SERPINA1: variants seen among roughly 807,000 people sequenced by gnomAD.
SERPINA1 encodes the protein alpha-1-antitrypsin.
A neutral mutation model predicts 25.4 loss-of-function variants in SERPINA1; 21 were observed. The ratio of observed to expected loss-of-function variants is 0.83; its 90% CI spans 0.59 to 1.19. The LOEUF is 1.19. SERPINA1 is among the 50% of genes most tolerant of loss of function. SERPINA1 has a pLI of 0.00. For missense variants in SERPINA1, 546 were observed against 509.0 expected (o/e 1.07, Z -0.70); for synonymous variants, 218 against 211.1 (o/e 1.03, Z -0.29).
chr14:94,386,055 T>C (rs895512521), intron 1 of SERPINA1, among the ~76,000 whole-genome samples: 3 of 152,208 alleles, frequency 2.0e-5, no homozygotes, highest in African/African-American at 7.2e-5. Flanking sequence ...GGGTTCATTA[T>C]GCCTCCCAAG....
At chr14:94,386,858 C>A (rs73349078) in intron 1 of SERPINA1, among the ~76,000 whole-genome samples, 23,597 of 152,222 alleles carry the variant, frequency 0.16, 2,028 homozygotes, top group South Asian at 0.28. Flanking sequence ...CACTTACTAA[C>A]ACCTGGTGTT....
chr14:94,378,265 G>A lies in SERPINA1; in HGVS notation c.*184C>T. 1 of 628,068 alleles carries A rather than the reference G, an allele frequency of 1.6e-6. No individual in the cohort carries two copies. Among genetic ancestry groups the A allele is most frequent in the South Asian group, 1.9e-5 (1 of 52,098 alleles). 38.9% of individuals were successfully genotyped at this position (628,068 alleles called of 1,614,324 possible). A position where few individuals can be genotyped will look rare whatever the true frequency, so the allele number is the denominator to read the frequency against. ...CCAGATGCTCCATGAACACAGTTCA[G>A]GGGGCCCGAAGACAGCACTGTTACC... On this transcript the variant is annotated 3_prime_UTR_variant, in exon 5 of 5. Coordinates refer to ENST00000393087, the MANE Select transcript of SERPINA1 (RefSeq NM_000295.5).
At chr14:94,380,364 G>A (rs1488751048) in intron 3 of SERPINA1, among the ~76,000 whole-genome samples, 1 of 152,240 alleles carries the variant, frequency 6.6e-6, no homozygotes, top group Admixed American at 6.5e-5. Context: ...TAACAGCACC[G>A]ATAAAGTGAC....
upstream of SERPINA1, among the ~76,000 whole-genome samples, chr14:94,390,252 C>A (rs17090745): frequency 0.021 from 3,228 of 152,322 alleles, 46 homozygotes; most frequent in Middle Eastern, 0.11. Context: ...TTCCCCTGAG[C>A]TGGCTGAATG....
rs1372940517 is a variant in SERPINA1, at chr14:94,378,545, C to T, written c.1161G>A (p.Glu387=). Residue 387 remains glutamate, a synonymous_variant, in exon 5 of 5, where the codon GAG becomes GAA. Transcript: ENST00000393087. ...LEAIPMSIPP[E]VKFNKPFVFL... ...AGACAAAGGGTTTGTTGAACTTGAC[C>T]TCGGGGGGGATAGACATGGGTATGG... 1 of 1,613,856 alleles carries T rather than the reference C, an allele frequency of 6.2e-7. No homozygotes were observed. The highest frequency in any genetic ancestry group is 1.3e-5 in the African/African-American group (1 of 74,842).
chr14:94,386,354 C>T (rs10484041), intron 1 of SERPINA1, among the ~76,000 whole-genome samples: 23,689 of 152,072 alleles, frequency 0.16, 2,049 homozygotes, highest in South Asian at 0.28. Context: ...CATTTCTACC[C>T]GGGAGCATAA....
intron 1 of SERPINA1, among the ~76,000 whole-genome samples, chr14:94,387,305 A>G (rs777117727): frequency 4.6e-5 from 7 of 152,252 alleles, no homozygotes; most frequent in Non-Finnish European, 8.8e-5. Context: ...TCATAGAGCT[A>G]TTGTGAAATT....
intron 2 of SERPINA1, 30 bp downstream of exon 2, chr14:94,382,562 G>T (rs376810516): frequency 3.1e-6 from 5 of 1,613,976 alleles, no homozygotes; most frequent in Non-Finnish European, 4.2e-6. Context: ...GTTTCTATGG[G>T]AACAGCTCAG....
At chr14:94,378,742 C>A in intron 4 of SERPINA1, 102 bp from the exon 5 acceptor site, 1 of 1,285,918 alleles carries the variant, frequency 7.8e-7, no homozygotes, top group Non-Finnish European at 1.1e-6. Context: ...CCCTGGACGG[C>A]CCTGGCCCTG....
In SERPINA1 at chr14:94,382,633, C is replaced by G. The variant is rs768943640; in HGVS notation, c.605G>C (p.Arg202Thr). ...KIVDLVKELD[R>T]DTVFALVNYI... The stretch of plus-strand genomic sequence containing the variant: ...ATTCACCAGAGCAAAAACTGTGTCT[C>G]TGTCAAGCTCCTTGACCAAATCCAC... The change falls in exon 2 of 5, where the codon AGA becomes ACA. Residue 202 changes from arginine to threonine, a missense_variant. Physicochemically the swap from Arg to Thr is moderately conservative, Grantham distance 71 (BLOSUM62 -1). Transcript: ENST00000393087. 1 of 1,614,264 alleles carries G rather than the reference C, an allele frequency of 6.2e-7. No individual in the cohort carries two copies.
At chr14:94,378,766 T>A (rs961622800) in intron 4 of SERPINA1, 126 bp from the exon 5 acceptor site, 1 of 1,003,510 alleles carries the variant, frequency 1.0e-6, no homozygotes. Context: ...ATCCTCTCCC[T>A]CCCTGTCACA....
intron 1 of SERPINA1, among the ~76,000 whole-genome samples, chr14:94,386,803 C>T (rs531019135): frequency 6.6e-6 from 1 of 152,192 alleles, no homozygotes; most frequent in South Asian, 2.1e-4. Flanking sequence ...AGCTGCCTAA[C>T]CCTATGCTAA....
chr14:94,381,878 C>T (rs1896950141), intron 2 of SERPINA1, among the ~76,000 whole-genome samples: 1 of 152,144 alleles, frequency 6.6e-6, no homozygotes. Flanking sequence ...GGAAGCAGCC[C>T]CTGGCCTTGC....
chr14:94,383,349 C>T, intron 1 of SERPINA1, 108 bp from the exon 2 acceptor site: 1 of 1,209,872 alleles, frequency 8.3e-7, no homozygotes, highest in Non-Finnish European at 1.2e-6. Context: ...TTAAACCAGC[C>T]TGTGCCAAGT....
chr14:94,377,278 C>T lies in SERPINA1; in HGVS notation c.*1171G>A, dbSNP rs572480272. On this transcript the variant is annotated 3_prime_UTR_variant, in exon 5 of 5. Coordinates refer to ENST00000393087, the MANE Select transcript of SERPINA1 (RefSeq NM_000295.5). ...ACGGAGGGAGCAGGCTGTCCTTCAG[C>T]TAGGGGCCCAGGGGACTTCCTGGCT... 15 of 152,388 alleles carry T rather than the reference C, an allele frequency of 9.8e-5. No homozygotes were observed. Among genetic ancestry groups the T allele is most frequent in the African/African-American group, 3.4e-4 (14 of 41,566 alleles). The allele number at this position is 152,388 out of a possible 1,614,324, so 9.4% of individuals were successfully genotyped here. A position where few individuals can be genotyped will look rare whatever the true frequency, so the allele number is the denominator to read the frequency against.
Position 94,378,610 on chromosome 14 carries a change from C to T in SERPINA1, c.1096G>A (p.Glu366Lys), listed in dbSNP as rs28929474. The change falls in exon 5 of 5, where the codon GAG becomes AAG. Residue 366 changes from glutamate (E) to lysine (K), a missense_variant. Transcript: ENST00000393087. ...GCCCCAGCAGCTTCAGTCCCTTTCT[C>T]GTCGATGGTCAGCACAGCCTTATGC... ...AVHKAVLTID[E>K]KGTEAAGAMF... 25,605 of 1,614,142 alleles carry T rather than the reference C, an allele frequency of 0.016. 263 individuals are homozygous for T. Among genetic ancestry groups the T allele is most frequent in the Non-Finnish European group, 0.019 (22,885 of 1,180,016 alleles).
chr14:94,383,131 T>C lies in SERPINA1; in HGVS notation c.107A>G (p.Asp36Gly). Reference protein sequence around the residue: ...DPQGDAAQKTDTSHHDQDHPT... With the variant: ...DPQGDAAQKTGTSHHDQDHPT... ...GTGATCCTGATCATGGTGGGATGTATCTGTCTTCTGGGCAGCATCTCCCTG... is the reference window on the plus strand; with the variant it reads ...GTGATCCTGATCATGGTGGGATGTACCTGTCTTCTGGGCAGCATCTCCCTG... The change falls in exon 2 of 5, where the codon GAT (aspartate) becomes GGT (glycine). Residue 36 changes from aspartate to glycine, a missense_variant. Coordinates refer to ENST00000393087, the MANE Select transcript of SERPINA1 (RefSeq NM_000295.5). 1 of 1,614,214 alleles carries C rather than the reference T, an allele frequency of 6.2e-7. No individual in the cohort carries two copies. Among genetic ancestry groups the C allele is most frequent in the Non-Finnish European group, 8.5e-7 (1 of 1,180,038 alleles).
At position 94,383,230 on chromosome 14, in the gene SERPINA1, G is replaced by A. The variant is rs759598955; in HGVS notation, c.8C>T (p.Ser3Phe). The change falls in exon 2 of 5, where the codon TCT becomes TTT. Residue 3 changes from serine to phenylalanine, a missense_variant. Physicochemically the swap from Ser to Phe is radical, Grantham distance 155. Transcript: ENST00000393087. MP[S>F]SVSWGILLLA... ...CAGGAGGATGCCCCACGAGACAGAA[G>A]ACGGCATTGTCCTGCAAGACAGAGA... The A allele has an allele frequency of 3.1e-6, 5 of 1,611,878 alleles. No homozygotes were observed. The African/African-American group carries it at 6.7e-5, about 22-fold the overall frequency.
At chr14:94,387,122 A>G (rs1897334166) in intron 1 of SERPINA1, among the ~76,000 whole-genome samples, 1 of 152,232 alleles carries the variant, frequency 6.6e-6, no homozygotes, top group Admixed American at 6.5e-5. Flanking sequence ...TTGAATCAGA[A>G]AACTTCAGAG....
Sources: gnomAD v4.1 joint callset for allele counts (sites outside exome capture counted in the v4.1 genomes callset) on GRCh38, gnomAD v4.1.1 for gene constraint, MANE v1.5 for transcripts, NCBI Gene and HGNC (gene_info 2026-07-23, HGNC 2026-07-21) for gene names.